The following LIPH variants were observed in gnomAD, a reference collection of about 807,000 sequenced individuals.
LIPH encodes lipase member H.
In LIPH, 32 loss-of-function variants were observed where a neutral mutation model predicts 47.6. That is an observed-to-expected ratio of 0.67 (90% CI 0.51 to 0.90). LIPH has a LOEUF of 0.90. Ranked by LOEUF, LIPH falls within the 40% of genes least tolerant of loss-of-function variation. The pLI, the probability that LIPH is intolerant of heterozygous loss-of-function variation, is 0.00. For missense variants in LIPH, 497 were observed against 541.4 expected (o/e 0.92, Z 0.81); for synonymous variants, 190 against 195.6 (o/e 0.97, Z 0.24).
In LIPH at chr3:185,519,223, G is replaced by A. The variant is rs1031272901; in HGVS notation, c.805C>T (p.Pro269Ser). Residue 269 changes from proline to serine, a missense_variant, in exon 6 of 10, where the codon CCC becomes TCC. Pro to Ser is a moderately conservative substitution (Grantham distance 74, BLOSUM62 -1). Transcript: ENST00000296252. ...LRESCTITAYPCDSYQDYRNG... is the reference protein window; with the variant it reads ...LRESCTITAYSCDSYQDYRNG... ...CTATAATCCTGGTAGGAGTCACAGG[G>A]ATACGCAGTGATGGTGCAGCTCTCT... The A allele has an allele frequency of 1.2e-6, 2 of 1,611,816 alleles. No individual in the cohort carries two copies. Among genetic ancestry groups the A allele is most frequent in the Non-Finnish European group, 1.7e-6 (2 of 1,177,890 alleles).
intron 9 of LIPH, among the ~76,000 whole-genome samples, chr3:185,509,631 C>A (rs375437405): frequency 6.6e-6 from 1 of 151,476 alleles, no homozygotes; most frequent in African/African-American, 2.4e-5. Context: ...AGACTCCGTA[C>A]CAAAAAAGAA....
intron 4 of LIPH, 27 bp from the exon 5 acceptor site, chr3:185,524,187 T>C (rs2148952836): frequency 7.3e-7 from 1 of 1,370,236 alleles, no homozygotes; most frequent in Non-Finnish European, 1.0e-6. Flanking sequence ...TCTGCTTTTA[T>C]ACTCCTTTGA....
chr3:185,539,964 T>G (rs980259388), intron 1 of LIPH, among the ~76,000 whole-genome samples: 1 of 152,206 alleles, frequency 6.6e-6, no homozygotes, highest in Non-Finnish European at 1.5e-5. Flanking sequence ...TTCCTGCCCA[T>G]GTGGCACTCT....
chr3:185,527,067 G>A (rs1720128179), intron 4 of LIPH, among the ~76,000 whole-genome samples: 1 of 151,962 alleles, frequency 6.6e-6, no homozygotes, highest in African/African-American at 2.4e-5. Flanking sequence ...GTGAAACCCC[G>A]TCTCTACTAA....
Position 185,507,139 on chromosome 3 carries a change from G to C in LIPH, c.*1651C>G, listed in dbSNP as rs974174096. On this transcript the variant is annotated 3_prime_UTR_variant, in exon 10 of 10. Coordinates refer to ENST00000296252, the MANE Select transcript of LIPH (RefSeq NM_139248.3). ...TGTAATCCCAGCACTTTGGGAGGCCGAGACGGGTAGTCACCTGAGGACAGG... is the reference window on the plus strand; with the variant it reads ...TGTAATCCCAGCACTTTGGGAGGCCCAGACGGGTAGTCACCTGAGGACAGG... 6.6e-5 allele frequency: 10 copies of C among 152,118 alleles called. No homozygotes were observed. The highest frequency in any genetic ancestry group is 1.9e-4 in the African/African-American group (8 of 41,414). 9.4% of individuals were successfully genotyped at this position (152,118 alleles called of 1,614,324 possible).
chr3:185,514,662 C>A, intron 7 of LIPH, 141 bp from the exon 8 acceptor site: 1 of 681,076 alleles, frequency 1.5e-6, no homozygotes, highest in Non-Finnish European at 2.7e-6. Flanking sequence ...AGATCCAGGG[C>A]AGAAGTTTCT....
chr3:185,523,403 T>C (rs924705897), intron 5 of LIPH, among the ~76,000 whole-genome samples: 23 of 152,192 alleles, frequency 1.5e-4, no homozygotes, highest in African/African-American at 5.5e-4. Context: ...TTTAAAGATA[T>C]GCCTTTTTCT....
rs1250244195 is a variant in LIPH at position 185,533,613 on chromosome 3, A to G, written c.484T>C (p.Phe162Leu). ...CATCCATCGTACATCTCTCCAACAA[A>G]CCCAGATATGTGGGCTCCTAGACTT... is the stretch of plus-strand genomic sequence containing the variant. ...GVSLGAHISG[F>L]VGEMYDGWLG... The change falls in exon 3 of 10, where the codon TTT (phenylalanine) becomes CTT (leucine). Residue 162 changes from phenylalanine to leucine, a missense_variant. Physicochemically the swap from Phe to Leu is conservative, Grantham distance 22. Transcript: ENST00000296252. 2 of 1,613,678 alleles carry G rather than the reference A, an allele frequency of 1.2e-6. No homozygotes were observed. Among genetic ancestry groups the G allele is most frequent in the East Asian group, 2.2e-5 (1 of 44,868 alleles).
intron 1 of LIPH, among the ~76,000 whole-genome samples, chr3:185,537,689 CATCT>C (rs1560168910): frequency 6.6e-6 from 1 of 152,118 alleles, no homozygotes; most frequent in Non-Finnish European, 1.5e-5. Flanking sequence ...GAAATTATGT[CATCT>C]TTCACTTGCC....
intron 4 of LIPH, among the ~76,000 whole-genome samples, 166 bp from the exon 5 acceptor site, chr3:185,524,326 G>C (rs939934569): frequency 6.6e-6 from 1 of 152,098 alleles, no homozygotes; most frequent in Non-Finnish European, 1.5e-5. Flanking sequence ...TTAGTTAGAA[G>C]GCAATGATTT....
chr3:185,517,456 A>G (rs562226991), intron 6 of LIPH, among the ~76,000 whole-genome samples: 25 of 152,272 alleles, frequency 1.6e-4, no homozygotes, highest in African/African-American at 6.0e-4. Flanking sequence ...TAAAAATAAC[A>G]CTGACATTTT....
intron 3 of LIPH, among the ~76,000 whole-genome samples, chr3:185,529,727 A>C (rs1183823221): frequency 2.0e-5 from 3 of 150,392 alleles, no homozygotes; most frequent in African/African-American, 4.9e-5. Flanking sequence ...CTGTCTCTAC[A>C]AAAAAATTAA....
rs370951431 is a variant in LIPH at position 185,534,773 on chromosome 3, G to A, written c.409C>T (p.Gln137Ter). Reference protein sequence around the residue: ...VAMVLKEFIDQMLAEGASLDD... With the variant: ...VAMVLKEFID ...TAAGAGAATTCTCTTACCAACATCT[G>A]GTCAATAAATTCCTTCAAGACCATG... Residue 137 changes from glutamine (Q) to a stop codon, truncating the protein, a stop_gained, in exon 2 of 10, where the codon CAG becomes TAG. Coordinates refer to ENST00000296252, the MANE Select transcript of LIPH (RefSeq NM_139248.3). LOFTEE classifies it high-confidence loss of function. 1 of 1,613,136 alleles carries A rather than the reference G, an allele frequency of 6.2e-7. No individual in the cohort carries two copies. The highest frequency in any genetic ancestry group is 1.3e-5 in the African/African-American group (1 of 74,870).
Position 185,508,027 on chromosome 3 carries a change from C to T in LIPH, c.*763G>A, listed in dbSNP as rs917688421. 2 of 152,396 alleles carry T rather than the reference C, an allele frequency of 1.3e-5. No individual in the cohort carries two copies. The highest frequency in any genetic ancestry group is 4.8e-5 in the African/African-American group (2 of 41,442). The allele number at this position is 152,396 out of a possible 1,614,324, so 9.4% of individuals were successfully genotyped here. On this transcript the variant is annotated 3_prime_UTR_variant, in exon 10 of 10. Transcript: ENST00000296252. Reference sequence around the variant, plus strand: ...CCCCACGGCTTCCTCGTCCTTCTTTCTTCATCCACTATCTAGTCCCAGCAG... The same window carrying T: ...CCCCACGGCTTCCTCGTCCTTCTTTTTTCATCCACTATCTAGTCCCAGCAG...
At chr3:185,529,101 G>C (rs1232576316) in intron 3 of LIPH, among the ~76,000 whole-genome samples, 3 of 149,246 alleles carry the variant, frequency 2.0e-5, no homozygotes, top group Non-Finnish European at 4.4e-5. Context: ...TGTTTGAACT[G>C]GGGAGGCAGA....
intron 1 of LIPH, among the ~76,000 whole-genome samples, chr3:185,538,003 C>T (rs894975803): frequency 4.6e-5 from 7 of 152,080 alleles, no homozygotes; most frequent in Non-Finnish European, 7.3e-5. Flanking sequence ...GACAGGCTTT[C>T]GCTATGTTGT....
chr3:185,509,669 G>C (rs12637120), intron 9 of LIPH, among the ~76,000 whole-genome samples: 15 of 152,316 alleles, frequency 9.8e-5, no homozygotes, highest in African/African-American at 3.6e-4. Context: ...TATTTACCAT[G>C]TAAGTTCAGC....
chr3:185,527,225 C>G (rs62290253), intron 4 of LIPH, among the ~76,000 whole-genome samples: 1 of 151,834 alleles, frequency 6.6e-6, no homozygotes, highest in Non-Finnish European at 1.5e-5. Context: ...GGCGACAGAG[C>G]GAGACTCTGT....
chr3:185,526,189 C>A (rs192770234), intron 4 of LIPH, among the ~76,000 whole-genome samples: 4 of 151,398 alleles, frequency 2.6e-5, no homozygotes, highest in Non-Finnish European at 5.9e-5. Context: ...ATAGCGAGAC[C>A]CCCATCTCTA....
Sources: gnomAD v4.1 joint callset for allele counts (sites outside exome capture counted in the v4.1 genomes callset) on GRCh38, gnomAD v4.1.1 for gene constraint, MANE v1.5 for transcripts, NCBI Gene and HGNC (gene_info 2026-07-23, HGNC 2026-07-21) for gene names.